The following ITIH2 variants were observed in gnomAD, a reference collection of about 807,000 sequenced individuals.
ITIH2 encodes inter-alpha-trypsin inhibitor heavy chain H2.
ITIH2 carries 103 observed loss-of-function variants against 104.4 expected under a neutral mutation model. That is an observed-to-expected ratio of 0.99 (90% CI 0.84 to 1.16). The LOEUF is 1.16. ITIH2 is among the 50% of genes most tolerant of loss of function. ITIH2 has a pLI of 0.00. For missense variants in ITIH2, 1,108 were observed against 1,162.4 expected (o/e 0.95, Z 0.68); for synonymous variants, 436 against 435.4 (o/e 1.00, Z -0.02).
intron 19 of ITIH2, among the ~76,000 whole-genome samples, chr10:7,745,197 G>A (rs1236338652): frequency 1.3e-5 from 2 of 152,074 alleles, no homozygotes; most frequent in African/African-American, 4.8e-5. Flanking sequence ...TTAAGAGAAG[G>A]GACAGATACA....
chr10:7,722,269 T>A (rs1834911571), intron 8 of ITIH2, among the ~76,000 whole-genome samples: 1 of 152,000 alleles, frequency 6.6e-6, no homozygotes, highest in African/African-American at 2.4e-5. Flanking sequence ...TGAGGACTCT[T>A]AGAACGTACG....
chr10:7,738,683 C>G lies in ITIH2; in HGVS notation c.2020C>G (p.Pro674Ala), dbSNP rs3740217. 111,421 of 1,613,548 alleles carry G rather than the reference C, an allele frequency of 0.069. 4,846 individuals are homozygous for G. The highest frequency in any genetic ancestry group is 0.23 in the East Asian group (10,289 of 44,748). The change falls in exon 16 of 21, where the codon CCA (proline) becomes GCA (alanine). Residue 674 changes from proline to alanine, a missense_variant. Coordinates refer to ENST00000358415, the MANE Select transcript of ITIH2 (RefSeq NM_002216.3). ...DSTPSWANPS[P>A]TPVISMLAQG... ...CACCCCGTCTTGGGCCAATCCTTCACCAACGCCCGTGATCTCCATGCTGGC... is the reference window on the plus strand; with the variant it reads ...CACCCCGTCTTGGGCCAATCCTTCAGCAACGCCCGTGATCTCCATGCTGGC...
Position 7,724,933 on chromosome 10 carries a change from A to G in ITIH2, c.984+1366A>G, listed in dbSNP as rs549500055. 1.1e-3 allele frequency among the ~76,000 whole-genome samples: 174 copies of G among 152,248 alleles called. 1 individual carries two copies. The highest frequency in any genetic ancestry group is 4.0e-3 in the African/African-American group (168 of 41,528). ...GTTTATTCACTGCTTCCTTCCTTCC[A>G]TCACTCATTCATTTAACAAATATTT... is the stretch of plus-strand genomic sequence containing the variant. On this transcript the variant is annotated intron_variant, in intron 9 of 20. Coordinates refer to ENST00000358415, the MANE Select transcript of ITIH2 (RefSeq NM_002216.3).
chr10:7,723,148 C>CGCGGCGTGGAGTGGAGTGAA (rs1834921516), intron 8 of ITIH2, among the ~76,000 whole-genome samples: 1 of 139,524 alleles, frequency 7.2e-6, no homozygotes, highest in Admixed American at 7.0e-5. Context: ...CGTGGAGTGG[C>CGCGGCGTGGAGTGGAGTGAA]GTGGCGTGGA....
chr10:7,716,023 C>T (rs894373272), intron 5 of ITIH2, among the ~76,000 whole-genome samples: 11 of 149,980 alleles, frequency 7.3e-5, no homozygotes, highest in East Asian at 2.0e-4. Flanking sequence ...CCACCACGCC[C>T]GGCTAATTTT....
Position 7,714,373 on chromosome 10 carries a change from C to T in ITIH2, c.467+1088C>T, listed in dbSNP as rs188935551. On this transcript the variant is annotated intron_variant, in intron 5 of 20. Transcript: ENST00000358415. ...TTTTTCAGTAGAGACGGGGTTTCAC[C>T]GTGTTGGCCAGGATGGTCTCGATCT... Among the ~76,000 whole-genome samples the T allele has an allele frequency of 1.4e-3, 213 of 151,994 alleles. 2 individuals carry two copies. Among genetic ancestry groups the T allele is most frequent in the African/African-American group, 4.9e-3 (203 of 41,452 alleles).
At chr10:7,735,649 T>TTTTTCTTTTC (rs199717787) in intron 15 of ITIH2, among the ~76,000 whole-genome samples, 1 of 150,840 alleles carries the variant, frequency 6.6e-6, no homozygotes, top group African/African-American at 2.5e-5. Flanking sequence ...CACTGTTTTC[T>TTTTTCTTTTC]TTTTCTTTTC....
chr10:7,744,774 T>C lies in ITIH2; in HGVS notation c.2409-17T>C, dbSNP rs781150890. On this transcript the variant is annotated splice_polypyrimidine_tract_variant and intron_variant, in intron 18 of 20. Transcript: ENST00000358415. Reference sequence around the variant, plus strand: ...CTGTTCTGGAATGGTTTAATTCCTCTTGGACTTTCACACCAGGGTGCAGAT... The same window carrying C: ...CTGTTCTGGAATGGTTTAATTCCTCCTGGACTTTCACACCAGGGTGCAGAT... 3.7e-6 allele frequency: 6 copies of C among 1,609,126 alleles called. No individual in the cohort carries two copies. In the African/African-American group the frequency reaches 4.0e-5, roughly 11 times the overall value.
chr10:7,721,777 G>C lies in ITIH2; in HGVS notation c.867G>C (p.Glu289Asp), dbSNP rs369395579. The C allele has an allele frequency of 3.7e-6, 6 of 1,613,934 alleles. No homozygotes were observed. Among genetic ancestry groups the C allele is most frequent in the Non-Finnish European group, 5.1e-6 (6 of 1,179,920 alleles). ...GAGAAGAGAAGGCTGGTGAACTGGA[G>C]GTGAGTGCACACCGGCTCTGGTTCT... ...VKREEKAGELEVFNGYFVHFF... is the reference protein window; with the variant it reads ...VKREEKAGELDVFNGYFVHFF... Residue 289 changes from glutamate (E) to aspartate (D), a missense_variant and splice_region_variant, in exon 8 of 21, where the codon GAG (glutamate) becomes GAC (aspartate). Physicochemically the swap from Glu to Asp is conservative, Grantham distance 45. Coordinates refer to ENST00000358415, the MANE Select transcript of ITIH2 (RefSeq NM_002216.3).
chr10:7,715,670 A>T (rs1490885457), intron 5 of ITIH2, among the ~76,000 whole-genome samples: 2 of 152,210 alleles, frequency 1.3e-5, no homozygotes, highest in Non-Finnish European at 2.9e-5. Context: ...TGATATCGCA[A>T]GCTGACTATC....
At position 7,745,001 on chromosome 10, in the gene ITIH2, G is replaced by A. The variant is rs114608365; in HGVS notation, c.2581+38G>A. On this transcript the variant is annotated intron_variant, in intron 19 of 20. Transcript: ENST00000358415. Reference sequence around the variant, plus strand: ...TTGACCATCTGACAAGGGTGGGGCCGCTCTAATTCTTTAGCAGCTTTGGTT... The same window carrying A: ...TTGACCATCTGACAAGGGTGGGGCCACTCTAATTCTTTAGCAGCTTTGGTT... 1,519 of 1,568,594 alleles carry A rather than the reference G, an allele frequency of 9.7e-4. 10 individuals carry two copies. The African/African-American group carries it at 0.016, about 17-fold the overall frequency.
At position 7,737,670 on chromosome 10, in the gene ITIH2, TTC is replaced by T. The variant is rs1306817807; in HGVS notation, c.1958-949_1958-948del. Among the ~76,000 whole-genome samples the T allele has an allele frequency of 9.6e-5, 6 of 62,290 alleles. 1 individual carries two copies. Among genetic ancestry groups the T allele is most frequent in the Admixed American group, 2.5e-4 (1 of 3,998 alleles). The allele number at this position is 62,290 out of a possible 152,430, so 40.9% of individuals were successfully genotyped here. Reference sequence around the variant, plus strand: ...ATTCTATATTATATTCTATATTATATTCTATATTTTCTATATTATATTCTATA... The same window carrying T: ...ATTCTATATTATATTCTATATTATATTATATTTTCTATATTATATTCTATA... On this transcript the variant is annotated intron_variant, in intron 15 of 20. Transcript: ENST00000358415.
chr10:7,749,232 C>A lies in ITIH2; in HGVS notation c.2739C>A (p.Asp913Glu), dbSNP rs773289080. ...GAACGGATCTAGTGTTTGGAACGGA[C>A]GTTACCTGCTGGTTTGTGCACAACA... The part of the protein sequence containing the change: ...DYRTDLVFGT[D>E]VTCWFVHNSG... Residue 913 changes from aspartate to glutamate, a missense_variant, in exon 21 of 21, where the codon GAC becomes GAA. By Grantham distance (45) the Asp-to-Glu change is conservative. Transcript: ENST00000358415. The A allele has an allele frequency of 1.2e-6, 2 of 1,614,026 alleles. No homozygotes were observed.
intron 14 of ITIH2, among the ~76,000 whole-genome samples, chr10:7,733,000 T>G (rs1199356365): frequency 1.3e-5 from 2 of 152,196 alleles, no homozygotes; most frequent in African/African-American, 4.8e-5. Flanking sequence ...GTACTGGGAT[T>G]ACAGGCATGA....
intron 20 of ITIH2, among the ~76,000 whole-genome samples, chr10:7,748,580 C>T (rs1418870737): frequency 2.8e-5 from 3 of 106,396 alleles, no homozygotes; most frequent in Non-Finnish European, 5.2e-5. Context: ...CTTGCTCTGT[C>T]GCCCAGGCTG....
In ITIH2 at chr10:7,743,204, C is replaced by T; in HGVS notation, c.2154C>T (p.Phe718=). Residue 718 remains phenylalanine (F), a synonymous_variant, in exon 17 of 21, where the codon TTC becomes TTT. Coordinates refer to ENST00000358415, the MANE Select transcript of ITIH2 (RefSeq NM_002216.3). ...CAAAAAGCCAAAAGAACATTTGTTT[C>T]AATATTGACTCAGAACCTGGAAAAA... is the stretch of plus-strand genomic sequence containing the variant. The part of the protein sequence containing the change: ...YLPKSQKNIC[F]NIDSEPGKIL... The T allele has an allele frequency of 1.3e-6, 2 of 1,595,114 alleles. No individual in the cohort carries two copies. Among genetic ancestry groups the T allele is most frequent in the Non-Finnish European group, 1.7e-6 (2 of 1,172,336 alleles).
At chr10:7,735,179 C>A in intron 15 of ITIH2, 88 bp downstream of exon 15, 1 of 1,208,536 alleles carries the variant, frequency 8.3e-7, no homozygotes. Flanking sequence ...CTCTCTCCCA[C>A]CCCAGCCCAC....
Position 7,705,182 on chromosome 10 carries a change from G to A in ITIH2, c.159G>A (p.Gln53=), listed in dbSNP as rs139142754. The change falls in exon 2 of 21, where the codon CAG becomes CAA. Residue 53 remains glutamine, a splice_region_variant and synonymous_variant. Coordinates refer to ENST00000358415, the MANE Select transcript of ITIH2 (RefSeq NM_002216.3). The part of the protein sequence containing the change: ...FQLVAENRRY[Q]RSLPGESEEM... ...TGGTGGCAGAGAACCGGAGATATCA[G>A]GTATAGTAAGGTTTACTCCCAAAAG... is the stretch of plus-strand genomic sequence containing the variant. 5 of 1,601,914 alleles carry A rather than the reference G, an allele frequency of 3.1e-6. No homozygotes were observed. The African/African-American group carries it at 6.7e-5, about 22-fold the overall frequency.
At position 7,709,199 on chromosome 10, in the gene ITIH2, A is replaced by G. The variant is rs1184822379; in HGVS notation, c.362+8A>G. ...CATTTCCAACTTCTCCATGTGAGTA[A>G]CTTCTGTGTAGAGCCAGAAATTGTA... is the stretch of plus-strand genomic sequence containing the variant. On this transcript the variant is annotated splice_region_variant and intron_variant, in intron 4 of 20. Coordinates refer to ENST00000358415, the MANE Select transcript of ITIH2 (RefSeq NM_002216.3). 1.4e-5 allele frequency: 22 copies of G among 1,613,434 alleles called. No homozygotes were observed. Among genetic ancestry groups the G allele is most frequent in the Non-Finnish European group, 1.8e-5 (21 of 1,179,366 alleles).
Sources: gnomAD v4.1 joint callset for allele counts (sites outside exome capture counted in the v4.1 genomes callset) on GRCh38, gnomAD v4.1.1 for gene constraint, MANE v1.5 for transcripts, NCBI Gene and HGNC (gene_info 2026-07-23, HGNC 2026-07-21) for gene names.